CACNA1C: variants seen among roughly 807,000 people sequenced by gnomAD.
CACNA1C encodes voltage-dependent L-type calcium channel subunit alpha-1C.
Under a neutral mutation model 229.0 loss-of-function variants are expected in CACNA1C, and 30 were observed. The ratio of observed to expected loss-of-function variants is 0.13; its 90% CI spans 0.10 to 0.18. The LOEUF (loss-of-function observed/expected upper bound fraction) is 0.18. Among genes scored for constraint, CACNA1C ranks in the 10% least tolerant of loss-of-function variants. CACNA1C has a pLI of 1.00. For synonymous variants in CACNA1C, 1,114 were observed against 1,132.5 expected (o/e 0.98, Z 0.33); for missense variants, 1,658 against 2,845.0 (o/e 0.58, Z 9.49).
intron 1 of CACNA1C, among the ~76,000 whole-genome samples, chr12:2,094,560 A>G (rs2072959628): frequency 1.3e-5 from 2 of 152,180 alleles, no homozygotes; most frequent in South Asian, 4.1e-4. Context: ...AATGCCAGAA[A>G]AGTGCATAGG....
intron 3 of CACNA1C, among the ~76,000 whole-genome samples, chr12:2,195,925 G>A (rs911765339): frequency 1.3e-5 from 2 of 152,142 alleles, no homozygotes; most frequent in South Asian, 4.2e-4. Context: ...AGACTCCTGA[G>A]GCCACGTGGT....
intron 1 of CACNA1C, chr12:2,010,912 G>T (rs1392221496): frequency 2.6e-5 from 4 of 152,118 alleles, no homozygotes; most frequent in Non-Finnish European, 5.9e-5. Context: ...ACTTTGGGAG[G>T]CCGAGATGAG....
At chr12:2,470,452 G>A (rs780056052) in intron 5 of CACNA1C, among the ~76,000 whole-genome samples, 2 of 152,202 alleles carry the variant, frequency 1.3e-5, no homozygotes, top group Non-Finnish European at 2.9e-5. Context: ...TGAGGCCAGC[G>A]TCCTGTGAAG....
At chr12:2,052,562 G>C (rs899781928), upstream of CACNA1C, among the ~76,000 whole-genome samples, 1 of 148,176 alleles carries the variant, frequency 6.7e-6, no homozygotes, top group Non-Finnish European at 1.5e-5. Context: ...GCTGCAGGCC[G>C]GCGCGGGGGG....
At chr12:2,547,339 T>A (rs761707693) in intron 9 of CACNA1C, 1 of 673,318 alleles carries the variant, frequency 1.5e-6, no homozygotes, top group African/African-American at 1.8e-5. Flanking sequence ...AAATGGATGT[T>A]CTATGTGAAA....
At chr12:2,046,885 G>A (rs2051163056) in intron 1 of CACNA1C, among the ~76,000 whole-genome samples, 1 of 152,122 alleles carries the variant, frequency 6.6e-6, no homozygotes, top group Non-Finnish European at 1.5e-5. Flanking sequence ...GTGATGGAAG[G>A]GAGAACTCTG....
intron 3 of CACNA1C, among the ~76,000 whole-genome samples, chr12:2,204,159 T>C (rs2154326638): frequency 6.6e-6 from 1 of 152,204 alleles, no homozygotes; most frequent in Non-Finnish European, 1.5e-5. Flanking sequence ...TGGTGTGAGA[T>C]GGTATCTCAT....
intron 5 of CACNA1C, among the ~76,000 whole-genome samples, chr12:2,473,796 A>G (rs1218029320): frequency 6.6e-6 from 1 of 152,214 alleles, no homozygotes; most frequent in Non-Finnish European, 1.5e-5. Flanking sequence ...AGAAATTTTT[A>G]CCACTATAGA....
At chr12:2,078,447 T>A (rs1420526038) in intron 1 of CACNA1C, among the ~76,000 whole-genome samples, 1 of 152,192 alleles carries the variant, frequency 6.6e-6, no homozygotes, top group East Asian at 1.9e-4. Flanking sequence ...GGATGAACCT[T>A]GAGGACGTTG....
intron 1 of CACNA1C, among the ~76,000 whole-genome samples, chr12:1,979,908 G>A (rs1233426001): frequency 1.3e-5 from 2 of 152,094 alleles, no homozygotes; most frequent in Non-Finnish European, 2.9e-5. Flanking sequence ...ATGGTAAAAT[G>A]CAAATTAAAA....
At chr12:2,035,417 G>T (rs1428001411) in intron 1 of CACNA1C, among the ~76,000 whole-genome samples, 1 of 152,264 alleles carries the variant, frequency 6.6e-6, no homozygotes, top group African/African-American at 2.4e-5. Context: ...GCAAGGCAGG[G>T]AGTGGGTAGG....
At position 2,649,026 on chromosome 12, in the gene CACNA1C, C is replaced by G. The variant is rs1041895279; in HGVS notation, c.3945+519C>G. On this transcript the variant is annotated intron_variant, in intron 31 of 46. Coordinates refer to ENST00000399655, the MANE Select transcript of CACNA1C (RefSeq NM_000719.7). This position sits in a 1 kb window ranked among gnomAD's most constrained non-coding sequence, Gnocchi z 4.4. ...GAAAGGCCACCATAAAAGGTTTCAGCTGGGATTTGTTACTGAGCGCGTGAT... is the reference window on the plus strand; with the variant it reads ...GAAAGGCCACCATAAAAGGTTTCAGGTGGGATTTGTTACTGAGCGCGTGAT... Among the ~76,000 whole-genome samples, 2 of 152,176 alleles carry G rather than the reference C, an allele frequency of 1.3e-5. No individual in the cohort carries two copies. Among genetic ancestry groups the G allele is most frequent in the African/African-American group, 4.8e-5 (2 of 41,426 alleles).
Position 2,181,268 on chromosome 12 carries a change from C to G in CACNA1C, c.477+60838C>G, listed in dbSNP as rs1396463748. 1.3e-5 allele frequency among the ~76,000 whole-genome samples: 2 copies of G among 152,184 alleles called. No individual in the cohort carries two copies. Among genetic ancestry groups the G allele is most frequent in the East Asian group, 1.9e-4 (1 of 5,202 alleles). On this transcript the variant is annotated intron_variant, in intron 3 of 46. Transcript: ENST00000399655. The surrounding 1 kb of genome is among the most constrained non-coding windows in gnomAD (Gnocchi z 4.0). ...ATCCAGAAAATGTTCAGCTGAATTG[C>G]AGTCCTTTCACAGAGGCAGTTCCTG...
At chr12:2,185,874 G>A (rs182445604) in intron 3 of CACNA1C, among the ~76,000 whole-genome samples, 13 of 152,200 alleles carry the variant, frequency 8.5e-5, no homozygotes, top group Admixed American at 2.6e-4. Context: ...GGCTCCAGCC[G>A]CGCCTGGGCA....
chr12:2,466,988 T>A (rs1430741718), intron 5 of CACNA1C, among the ~76,000 whole-genome samples: 2 of 152,076 alleles, frequency 1.3e-5, no homozygotes, highest in Non-Finnish European at 2.9e-5. Context: ...CTTATAGGGG[T>A]CTTACAGGCC....
intron 3 of CACNA1C, among the ~76,000 whole-genome samples, chr12:2,401,946 T>C (rs551726624): frequency 6.6e-6 from 1 of 152,374 alleles, no homozygotes; most frequent in South Asian, 2.1e-4. Context: ...GCTCTAGATA[T>C]GGCATGAGCC....
At chr12:2,035,936 C>T (rs188714175) in intron 1 of CACNA1C, among the ~76,000 whole-genome samples, 60 of 152,270 alleles carry the variant, frequency 3.9e-4, no homozygotes, top group Non-Finnish European at 6.0e-4. Context: ...TGAGGGTAGA[C>T]GCTGTGGCTC....
At chr12:2,069,461 A>C (rs1242799266) in intron 1 of CACNA1C, among the ~76,000 whole-genome samples, 4 of 152,174 alleles carry the variant, frequency 2.6e-5, no homozygotes, top group Admixed American at 1.3e-4. Context: ...GTCAGAGAGA[A>C]AATAAGAAGC....
chr12:2,435,039 G>A (rs566450731), intron 3 of CACNA1C, among the ~76,000 whole-genome samples: 4 of 152,076 alleles, frequency 2.6e-5, no homozygotes, highest in Non-Finnish European at 5.9e-5. Flanking sequence ...CTCTTCCTGC[G>A]ATCCTGGAGG....
Sources: allele counts gnomAD v4.1 joint callset (sites outside exome capture counted in the v4.1 genomes callset), GRCh38; gene constraint gnomAD v4.1.1; non-coding constraint Gnocchi (gnomAD v3.1); transcripts MANE v1.5; gene names NCBI Gene and HGNC (gene_info 2026-07-23, HGNC 2026-07-21).